NUBPL: variants seen among roughly 807,000 people sequenced by gnomAD.
NUBPL encodes the protein iron-sulfur cluster transfer protein NUBPL.
Under a neutral mutation model 45.7 loss-of-function variants are expected in NUBPL, and 31 were observed. The observed-to-expected ratio is 0.68, with a 90% CI of 0.51 to 0.92. The LOEUF (loss-of-function observed/expected upper bound fraction) is 0.92. Among genes scored for constraint, NUBPL ranks in the 40% least tolerant of loss-of-function variants. The probability of loss-of-function intolerance (pLI) is 0.00; values close to 1 mark genes in which losing one functional copy is unlikely to be tolerated. For synonymous variants in NUBPL, 144 were observed against 140.9 expected (o/e 1.02, Z -0.15); for missense variants, 401 against 398.7 (o/e 1.01, Z -0.05).
chr14:31,767,717 G>A (rs559576640), intron 6 of NUBPL, among the ~76,000 whole-genome samples: 1 of 146,618 alleles, frequency 6.8e-6, no homozygotes, highest in South Asian at 2.1e-4. Context: ...GTTTTTTTTT[G>A]TAAATCTTGC....
intron 7 of NUBPL, among the ~76,000 whole-genome samples, chr14:31,812,407 G>C (rs913139816): frequency 1.3e-5 from 2 of 152,142 alleles, no homozygotes; most frequent in Non-Finnish European, 1.5e-5. Flanking sequence ...GACTAGCAGT[G>C]AACAAGACTC....
At chr14:31,761,491 C>G (rs1264378848) in intron 6 of NUBPL, among the ~76,000 whole-genome samples, 3 of 152,212 alleles carry the variant, frequency 2.0e-5, no homozygotes, top group African/African-American at 7.2e-5. Flanking sequence ...CTTGCCCACT[C>G]TCACCATTTG....
chr14:31,848,477 G>A (rs573480496), intron 9 of NUBPL, among the ~76,000 whole-genome samples: 1 of 152,252 alleles, frequency 6.6e-6, no homozygotes, highest in South Asian at 2.1e-4. Context: ...TGGTACGATA[G>A]CTCTTGAGAA....
At chr14:31,765,117 G>A (rs1234179694) in intron 6 of NUBPL, among the ~76,000 whole-genome samples, 2 of 152,160 alleles carry the variant, frequency 1.3e-5, no homozygotes, top group African/African-American at 4.8e-5. Flanking sequence ...TCACTAAAAT[G>A]TAGGAATTTA....
At chr14:31,620,116 G>A (rs2035019901) in intron 4 of NUBPL, among the ~76,000 whole-genome samples, 1 of 151,822 alleles carries the variant, frequency 6.6e-6, no homozygotes, top group Admixed American at 6.6e-5. Flanking sequence ...TTCTTGTGCT[G>A]TGTTTTTCAG....
At chr14:31,588,680 G>A (rs1400634057) in intron 3 of NUBPL, among the ~76,000 whole-genome samples, 2 of 151,848 alleles carry the variant, frequency 1.3e-5, no homozygotes, top group Admixed American at 6.6e-5. Context: ...ACGTTGGGAG[G>A]CCAAGGTGGG....
intron 6 of NUBPL, among the ~76,000 whole-genome samples, chr14:31,744,378 A>C (rs920293310): frequency 2.0e-5 from 3 of 152,224 alleles, no homozygotes; most frequent in African/African-American, 7.2e-5. Context: ...AAGATATTTG[A>C]TGAAATGAAT....
intron 3 of NUBPL, among the ~76,000 whole-genome samples, chr14:31,575,291 C>T (rs2033690155): frequency 6.6e-6 from 1 of 152,192 alleles, no homozygotes; most frequent in Non-Finnish European, 1.5e-5. Flanking sequence ...TGTATCACCA[C>T]TTACAACACT....
chr14:31,678,227 G>A (rs1374116771), intron 6 of NUBPL, among the ~76,000 whole-genome samples: 6 of 152,136 alleles, frequency 3.9e-5, no homozygotes, highest in Non-Finnish European at 1.5e-5. Context: ...CCCAGAGCAG[G>A]TCCAGAAATG....
At chr14:31,734,234 C>T (rs1276479843) in intron 6 of NUBPL, among the ~76,000 whole-genome samples, 2 of 152,122 alleles carry the variant, frequency 1.3e-5, no homozygotes, top group Non-Finnish European at 2.9e-5. Context: ...ATCCAAATAT[C>T]CCTTCACAAA....
intron 7 of NUBPL, among the ~76,000 whole-genome samples, chr14:31,791,815 C>G (rs911602046): frequency 1.3e-5 from 2 of 152,142 alleles, no homozygotes; most frequent in African/African-American, 4.8e-5. Flanking sequence ...TTGCTCCATA[C>G]CTTGCTTTCT....
chr14:31,698,847 T>G (rs1289940819), intron 6 of NUBPL, among the ~76,000 whole-genome samples: 2 of 151,986 alleles, frequency 1.3e-5, no homozygotes, highest in Non-Finnish European at 2.9e-5. Context: ...GACTCAATAG[T>G]GACTTACACT....
chr14:31,861,058 C>A lies in NUBPL; in HGVS notation c.*1878C>A, dbSNP rs2040705996. On this transcript the variant is annotated 3_prime_UTR_variant, in exon 11 of 11. Transcript: ENST00000281081. ...TTGTGATGATGGAAATGTTCTATAT[C>A]ACAGCTATCGATGTCAGTATCCCAG... 1 of 152,120 alleles carries A rather than the reference C, an allele frequency of 6.6e-6. No homozygotes were observed. The highest frequency in any genetic ancestry group is 2.1e-4 in the South Asian group (1 of 4,820). The allele number at this position is 152,120 out of a possible 1,614,324, so 9.4% of individuals were successfully genotyped here.
intron 3 of NUBPL, among the ~76,000 whole-genome samples, chr14:31,566,961 A>G (rs1377430550): frequency 6.6e-6 from 1 of 152,082 alleles, no homozygotes; most frequent in East Asian, 1.9e-4. Context: ...ATTTTAGCTC[A>G]TTGAGATCTC....
chr14:31,581,777 T>C (rs2033870269), intron 3 of NUBPL, among the ~76,000 whole-genome samples: 1 of 152,200 alleles, frequency 6.6e-6, no homozygotes, highest in Non-Finnish European at 1.5e-5. Flanking sequence ...GATTTAAATT[T>C]GGATGTCAGC....
intron 3 of NUBPL, among the ~76,000 whole-genome samples, chr14:31,574,496 C>T (rs1047088385): frequency 2.0e-5 from 3 of 151,804 alleles, no homozygotes; most frequent in African/African-American, 7.3e-5. Context: ...AACTCCTGAC[C>T]TCAAGAGATC....
chr14:31,666,228 G>GCT (rs2036408550), intron 4 of NUBPL, among the ~76,000 whole-genome samples: 1 of 26,690 alleles, frequency 3.7e-5, no homozygotes, highest in Non-Finnish European at 8.1e-5. Flanking sequence ...TTATATTTAA[G>GCT]ATATATATAT....
intron 7 of NUBPL, among the ~76,000 whole-genome samples, chr14:31,790,173 C>T (rs2039353288): frequency 6.6e-6 from 1 of 152,098 alleles, no homozygotes; most frequent in African/African-American, 2.4e-5. Flanking sequence ...ACTGATGTTG[C>T]CTAAGCAGTT....
chr14:31,578,922 G>A (rs1337610554), intron 3 of NUBPL, among the ~76,000 whole-genome samples: 1 of 152,216 alleles, frequency 6.6e-6, no homozygotes, highest in East Asian at 1.9e-4. Flanking sequence ...CAAATAACAA[G>A]CTAGGATTTT....
Sources: gnomAD v4.1 joint callset for allele counts (sites outside exome capture counted in the v4.1 genomes callset) on GRCh38, gnomAD v4.1.1 for gene constraint, MANE v1.5 for transcripts, NCBI Gene and HGNC (gene_info 2026-07-23, HGNC 2026-07-21) for gene names.